The following PTGER3 variants were observed in gnomAD, a reference collection of about 807,000 sequenced individuals.
PTGER3 encodes prostaglandin E2 receptor EP3 subtype.
A neutral mutation model predicts 34.7 loss-of-function variants in PTGER3; 22 were observed. The observed-to-expected ratio is 0.63, with a 90% CI of 0.45 to 0.91. PTGER3 has a LOEUF of 0.91. Ranked by LOEUF, PTGER3 falls within the 40% of genes least tolerant of loss-of-function variation. The pLI is 0.00. For synonymous variants in PTGER3, 241 were observed against 230.1 expected, an observed-to-expected ratio of 1.05 and a Z score of -0.43; for missense variants, 468 against 519.4, an observed-to-expected ratio of 0.90 and a Z score of 0.96.
chr1:70,982,807 T>C (rs760832164), intron 2 of PTGER3, among the ~76,000 whole-genome samples: 4 of 151,972 alleles, frequency 2.6e-5, no homozygotes, highest in Non-Finnish European at 5.9e-5. Context: ...CCTTCCTCAT[T>C]CACCCTTGGC....
intron 4 of PTGER3, among the ~76,000 whole-genome samples, chr1:70,854,356 A>G (rs1312593874): frequency 6.6e-6 from 1 of 152,238 alleles, no homozygotes; most frequent in Non-Finnish European, 1.5e-5. Context: ...CTAACAAGTG[A>G]CAAGATATTC....
rs754957008 is a variant in PTGER3, at chr1:70,971,766, C to CA, written c.1170-34dup. The CA allele has an allele frequency of 4.6e-5, 65 of 1,416,794 alleles. No individual in the cohort carries two copies. In the African/African-American group the frequency reaches 8.4e-4, roughly 18 times the overall value. 87.8% of individuals were successfully genotyped at this position (1,416,794 alleles called of 1,614,324 possible). On this transcript the variant is annotated intron_variant, in intron 3 of 3. Coordinates refer to ENST00000306666, the MANE Select transcript of PTGER3 (RefSeq NM_198719.2). ...AATAGAGAGAGAAAGATGCAATAAG[C>CA]ATGGATGGGGATTATTTTTTTTAAA...
chr1:71,007,392 G>T, intron 2 of PTGER3: 3 of 985,808 alleles, frequency 3.0e-6, no homozygotes, highest in Middle Eastern at 5.2e-4. Context: ...TGGGAAGGAA[G>T]AGAGTTCAGC....
chr1:71,008,218 G>T, intron 2 of PTGER3: 1 of 944,094 alleles, frequency 1.1e-6, no homozygotes, highest in Non-Finnish European at 1.3e-6. Flanking sequence ...AGATATCTGG[G>T]TTGCTTATTA....
intron 1 of PTGER3, among the ~76,000 whole-genome samples, chr1:71,042,749 G>A (rs1334339654): frequency 6.6e-6 from 1 of 152,072 alleles, no homozygotes; most frequent in African/African-American, 2.4e-5. Flanking sequence ...AATTTCGCTT[G>A]TCAAAATACA....
At chr1:70,953,109 T>A in intron 3 of PTGER3, 1 of 1,445,438 alleles carries the variant, frequency 6.9e-7, no homozygotes, top group East Asian at 2.5e-5. Flanking sequence ...AAAATAACAA[T>A]ATGAAAATAA....
chr1:71,045,465 GCT>G (rs1660684067), intron 1 of PTGER3, among the ~76,000 whole-genome samples: 1 of 152,064 alleles, frequency 6.6e-6, no homozygotes, highest in Non-Finnish European at 1.5e-5. Context: ...TGACCATATC[GCT>G]CTTTCTGCAA....
chr1:71,036,167 A>C (rs2100972338), intron 1 of PTGER3, among the ~76,000 whole-genome samples: 1 of 152,240 alleles, frequency 6.6e-6, no homozygotes, highest in South Asian at 2.1e-4. Flanking sequence ...CCAAAGGAAA[A>C]CCCACACAAC....
chr1:70,888,769 G>A (rs1259832785), intron 4 of PTGER3, among the ~76,000 whole-genome samples: 4 of 151,858 alleles, frequency 2.6e-5, no homozygotes, highest in African/African-American at 9.6e-5. Context: ...TTTTTCTGAT[G>A]GAAAAGACTG....
At position 71,047,442 on chromosome 1, in the gene PTGER3, C is replaced by T; in HGVS notation, c.136G>A (p.Asp46Asn). The change falls in exon 1 of 4, where the codon GAT becomes AAT. Residue 46 changes from aspartate to asparagine, a missense_variant. By Grantham distance (23) the Asp-to-Asn change is conservative. This residue lies in a region of PTGER3 where 151 missense variants were observed against 133.5 expected (regional missense o/e 1.13). Coordinates refer to ENST00000306666, the MANE Select transcript of PTGER3 (RefSeq NM_198719.2). ...NLTRPPGSGE[D>N]CGSVSVAFPI... ...AAGGCCACGGACACCGATCCGCAAT[C>T]CTCGCCAGACCCTGGAGGGCGCGTG... 6.2e-7 allele frequency: 1 copy of T among 1,611,200 alleles called. No homozygotes were observed. The highest frequency in any genetic ancestry group is 8.5e-7 in the Non-Finnish European group (1 of 1,179,554).
intron 1 of PTGER3, among the ~76,000 whole-genome samples, chr1:71,040,115 A>AG (rs1660180331): frequency 6.6e-6 from 1 of 151,794 alleles, no homozygotes; most frequent in Non-Finnish European, 1.5e-5. Flanking sequence ...AAAGAAAGAA[A>AG]GAAAAAAAAG....
Position 70,971,401 on chromosome 1 carries a change from G to A in PTGER3, c.*329C>T, listed in dbSNP as rs191246549. ...GATGTCCACTTTGGTTAAGATTCACGTAAAGGTTTGAAGTTGGAGAAAACT... is the reference window on the plus strand; with the variant it reads ...GATGTCCACTTTGGTTAAGATTCACATAAAGGTTTGAAGTTGGAGAAAACT... On this transcript the variant is annotated 3_prime_UTR_variant, in exon 4 of 4. Transcript: ENST00000306666. The A allele has an allele frequency of 2.2e-4, 229 of 1,055,088 alleles. No homozygotes were observed. Among genetic ancestry groups the A allele is most frequent in the Non-Finnish European group, 2.4e-4 (214 of 875,956 alleles). The allele number at this position is 1,055,088 out of a possible 1,614,324, so 65.4% of individuals were successfully genotyped here.
chr1:70,925,598 T>A (rs1647993818), intron 4 of PTGER3, among the ~76,000 whole-genome samples: 1 of 152,136 alleles, frequency 6.6e-6, no homozygotes, highest in Admixed American at 6.6e-5. Context: ...GCAAAAAAAT[T>A]AATGAACCAC....
intron 4 of PTGER3, chr1:70,862,342 G>T: frequency 7.3e-7 from 1 of 1,366,234 alleles, no homozygotes; most frequent in Non-Finnish European, 9.8e-7. Flanking sequence ...CTTCATCCCA[G>T]GGTTAGGCAG....
intron 2 of PTGER3, chr1:71,008,286 G>A: frequency 1.1e-6 from 1 of 893,526 alleles, no homozygotes; most frequent in Non-Finnish European, 1.3e-6. Flanking sequence ...TCTCAGTAAA[G>A]AAAATGTGTG....
chr1:70,956,668 A>G (rs1401226803), intron 2 of PTGER3, among the ~76,000 whole-genome samples: 3 of 152,172 alleles, frequency 2.0e-5, no homozygotes, highest in Non-Finnish European at 4.4e-5. Flanking sequence ...TGGAGTCAAG[A>G]TACCAGCAGA....
At chr1:70,979,899 G>A (rs865856256) in intron 2 of PTGER3, among the ~76,000 whole-genome samples, 9 of 152,046 alleles carry the variant, frequency 5.9e-5, no homozygotes, top group African/African-American at 2.2e-4. Flanking sequence ...TCTTTTAAGG[G>A]GGTTCTGTGT....
chr1:70,934,892 C>T lies in PTGER3; in HGVS notation c.*23+18871G>A, dbSNP rs116050351. On this transcript the variant is annotated intron_variant, in intron 4 of 4. Coordinates refer to the PTGER3 transcript ENST00000370931. ...AGTTTATTACAAGACATAATGTCAG[C>T]CGTCGAAATGATTGCTTCCTCAAAT... Among the ~76,000 whole-genome samples the T allele has an allele frequency of 5.6e-3, 846 of 152,190 alleles. 10 individuals carry two copies. Among genetic ancestry groups the T allele is most frequent in the African/African-American group, 0.019 (801 of 41,534 alleles).
At position 70,971,686 on chromosome 1, in the gene PTGER3, AG is replaced by A; in HGVS notation, c.*43del. The A allele has an allele frequency of 6.4e-7, 1 of 1,552,550 alleles. No homozygotes were observed. The highest frequency in any genetic ancestry group is 8.7e-7 in the Non-Finnish European group (1 of 1,151,162). On this transcript the variant is annotated 3_prime_UTR_variant, in exon 4 of 4. Coordinates refer to ENST00000306666, the MANE Select transcript of PTGER3 (RefSeq NM_198719.2). ...CAGGTGGGAAGAAATATGCAAATTC[AG>A]GGAAGCAGGAATTGCAATAAAATGT... is the stretch of plus-strand genomic sequence containing the variant.
Sources: gnomAD v4.1 joint callset for allele counts (sites outside exome capture counted in the v4.1 genomes callset) on GRCh38, gnomAD v4.1.1 for gene constraint, gnomAD v4.1.1 regional missense constraint, MANE v1.5 for transcripts, NCBI Gene and HGNC (gene_info 2026-07-23, HGNC 2026-07-21) for gene names.